ESR1: variants seen among roughly 807,000 people sequenced by gnomAD.
ESR1 encodes estrogen receptor.
A neutral mutation model predicts 52.7 loss-of-function variants in ESR1; 12 were observed. That is an observed-to-expected ratio of 0.23 (90% CI 0.15 to 0.37). ESR1 has a LOEUF of 0.37. Ranked by LOEUF, ESR1 falls within the 10% of genes least tolerant of loss-of-function variation. The pLI is 1.00. For synonymous variants in ESR1, 305 were observed against 316.8 expected (o/e 0.96, Z 0.39); for missense variants, 584 against 779.7 (o/e 0.75, Z 2.99).
intron 2 of ESR1, among the ~76,000 whole-genome samples, chr6:151,859,213 C>A (rs183579284): frequency 6.6e-6 from 1 of 152,158 alleles, no homozygotes; most frequent in Non-Finnish European, 1.5e-5. Flanking sequence ...TAATCCAGAT[C>A]ATATTTTATC....
In ESR1 at chr6:151,938,443, G is replaced by A. The variant is rs534223239; in HGVS notation, c.761-5730G>A. On this transcript the variant is annotated intron_variant, in intron 3 of 7. Coordinates refer to ENST00000206249, the MANE Select transcript of ESR1 (RefSeq NM_000125.4). Reference sequence around the variant, plus strand: ...GGTAGTCTTTGAAAATGCCTCATTAGGCATTTGACTCATTAGGACAGATCC... The same window carrying A: ...GGTAGTCTTTGAAAATGCCTCATTAAGCATTTGACTCATTAGGACAGATCC... Among the ~76,000 whole-genome samples the A allele has an allele frequency of 2.6e-5, 4 of 152,300 alleles. No homozygotes were observed. In the East Asian group the frequency reaches 7.7e-4, roughly 29 times the overall value.
chr6:151,868,162 C>T (rs974533669), intron 2 of ESR1, among the ~76,000 whole-genome samples: 6 of 152,000 alleles, frequency 3.9e-5, no homozygotes, highest in Admixed American at 3.9e-4. Context: ...GAGTCTCGCT[C>T]TGTCACCCAG....
At chr6:151,857,447 A>G (rs1486954589) in intron 2 of ESR1, among the ~76,000 whole-genome samples, 1 of 151,764 alleles carries the variant, frequency 6.6e-6, no homozygotes, top group East Asian at 1.9e-4. Context: ...CACTGTATAT[A>G]TATATCTTCA....
chr6:151,813,228 T>C (rs1361247755), intron 1 of ESR1: 2 of 143,382 alleles, frequency 1.4e-5, no homozygotes, highest in Non-Finnish European at 3.0e-5. Flanking sequence ...TCAAAAAATA[T>C]AGGAAGCACA....
chr6:152,067,309 G>A (rs9479188), intron 6 of ESR1, among the ~76,000 whole-genome samples: 36,820 of 152,008 alleles, frequency 0.24, 6,918 homozygotes, highest in African/African-American at 0.52. Context: ...GCATGAATTT[G>A]TGGGAGGTGA....
chr6:151,874,511 C>A (rs1408366631), intron 2 of ESR1, among the ~76,000 whole-genome samples: 1 of 152,166 alleles, frequency 6.6e-6, no homozygotes, highest in East Asian at 1.9e-4. Context: ...AATAACTACA[C>A]CACATACTTA....
At chr6:151,824,947 T>C (rs563051987) in intron 1 of ESR1, among the ~76,000 whole-genome samples, 1 of 152,162 alleles carries the variant, frequency 6.6e-6, no homozygotes, top group East Asian at 1.9e-4. Flanking sequence ...AAAAGAGTTC[T>C]TGCTTTCAAA....
chr6:152,114,388 C>T (rs980654867), intron 6 of ESR1, among the ~76,000 whole-genome samples: 1 of 152,046 alleles, frequency 6.6e-6, no homozygotes, highest in Non-Finnish European at 1.5e-5. Context: ...TTGGACATCT[C>T]TCCTAGGAAA....
At chr6:151,893,903 A>G (rs1040487595) in intron 3 of ESR1, among the ~76,000 whole-genome samples, 4 of 152,184 alleles carry the variant, frequency 2.6e-5, no homozygotes, top group Non-Finnish European at 5.9e-5. Flanking sequence ...TTTTGAACCT[A>G]TCCTGGTGTT....
At position 152,061,865 on chromosome 6, in the gene ESR1, C is replaced by A. The variant is rs1009851658; in HGVS notation, c.1369+741C>A. ...AGCCTGAATTAGTGCCCTGACTCCT[C>A]CTAGCCTCTTGGTATTTGGATCTAA... On this transcript the variant is annotated intron_variant, in intron 6 of 7. Transcript: ENST00000206249. This position sits in a 1 kb window ranked among gnomAD's most constrained non-coding sequence, Gnocchi z 4.3. Among the ~76,000 whole-genome samples the A allele has an allele frequency of 6.6e-6, 1 of 152,176 alleles. No homozygotes were observed. Among genetic ancestry groups the A allele is most frequent in the Non-Finnish European group, 1.5e-5 (1 of 68,036 alleles).
At chr6:152,025,834 A>G (rs1385323513) in intron 5 of ESR1, among the ~76,000 whole-genome samples, 1 of 151,882 alleles carries the variant, frequency 6.6e-6, no homozygotes, top group Non-Finnish European at 1.5e-5. Context: ...TTTTCATTTC[A>G]TGATATAGGT....
intron 2 of ESR1, among the ~76,000 whole-genome samples, chr6:151,854,090 A>C (rs1373838461): frequency 6.6e-6 from 1 of 152,154 alleles, no homozygotes. Context: ...TTTTAAAGAG[A>C]ATGGTCTGTA....
intron 3 of ESR1, among the ~76,000 whole-genome samples, chr6:151,883,815 T>C (rs1284660028): frequency 6.6e-6 from 1 of 152,096 alleles, no homozygotes; most frequent in Non-Finnish European, 1.5e-5. Context: ...TGAAGATGGC[T>C]GCCTTCTCTC....
chr6:152,108,482 C>T (rs1562794899), intron 6 of ESR1, among the ~76,000 whole-genome samples: 1 of 152,146 alleles, frequency 6.6e-6, no homozygotes, highest in Non-Finnish European at 1.5e-5. Flanking sequence ...TTTTGTTCAA[C>T]CTTATAGTTT....
chr6:152,038,688 G>A (rs796763090), intron 5 of ESR1, among the ~76,000 whole-genome samples: 9 of 152,156 alleles, frequency 5.9e-5, no homozygotes, highest in African/African-American at 1.9e-4. Flanking sequence ...CTGGAATGCA[G>A]TGGTGCGATA....
At chr6:151,860,151 A>G (rs1456020510) in intron 2 of ESR1, among the ~76,000 whole-genome samples, 1 of 152,162 alleles carries the variant, frequency 6.6e-6, no homozygotes, top group Non-Finnish European at 1.5e-5. Flanking sequence ...CAAAAATAAA[A>G]TTGTATATAT....
chr6:151,979,229 G>A (rs1306291994), intron 4 of ESR1, among the ~76,000 whole-genome samples: 1 of 152,074 alleles, frequency 6.6e-6, no homozygotes, highest in Non-Finnish European at 1.5e-5. Flanking sequence ...CTAGGGGTTA[G>A]GGTTTCAACG....
chr6:151,793,080 A>G (rs1276899504), intron 2 of ESR1, among the ~76,000 whole-genome samples: 1 of 151,860 alleles, frequency 6.6e-6, no homozygotes, highest in East Asian at 1.9e-4. Context: ...CTGAGGCAGG[A>G]GAATGGCATG....
chr6:152,075,510 C>T (rs899587133), intron 6 of ESR1, among the ~76,000 whole-genome samples: 4 of 152,162 alleles, frequency 2.6e-5, no homozygotes, highest in Non-Finnish European at 5.9e-5. Context: ...AACAATACAC[C>T]TAAAGAATAT....
Sources: allele counts gnomAD v4.1 joint callset (sites outside exome capture counted in the v4.1 genomes callset), GRCh38; gene constraint gnomAD v4.1.1; non-coding constraint Gnocchi (gnomAD v3.1); transcripts MANE v1.5; gene names NCBI Gene and HGNC (gene_info 2026-07-23, HGNC 2026-07-21).